Variants in TAFA4 observed in about 807,000 individuals in gnomAD.
TAFA4 encodes the protein TAFA chemokine like family member 4.
In TAFA4, 20 loss-of-function variants were observed where a neutral mutation model predicts 21.1. That is an observed-to-expected ratio of 0.95 (90% CI 0.67 to 1.38). TAFA4 has a LOEUF of 1.38. Ranked by LOEUF, TAFA4 falls within the 40% of genes most tolerant of loss-of-function variation. TAFA4 has a pLI of 0.00. For synonymous variants in TAFA4, 71 were observed against 67.4 expected (o/e 1.05, Z -0.26); for missense variants, 211 against 180.9 (o/e 1.17, Z -0.95).
chr3:68,735,587 ATTAT>A (rs1241756600), intron 5 of TAFA4, among the ~76,000 whole-genome samples: 1 of 152,086 alleles, frequency 6.6e-6, no homozygotes, highest in Non-Finnish European at 1.5e-5. Context: ...ATAGCATTAA[ATTAT>A]TATTATATTG....
rs764665164 is a variant in TAFA4 at position 68,917,753 on chromosome 3, C to CCAAAAAAAA, written c.-123+14486_-123+14487insTTTTTTTTG. Among the ~76,000 whole-genome samples, 490 of 58,106 alleles carry CCAAAAAAAA rather than the reference C, an allele frequency of 8.4e-3. 13 individuals are homozygous for CCAAAAAAAA. The highest frequency in any genetic ancestry group is 0.031 in the African/African-American group (474 of 15,434). The allele number at this position is 58,106 out of a possible 152,430, so 38.1% of individuals were successfully genotyped here. ...TGGACGACAGAGCGAGACTCTGTCT[C>CCAAAAAAAA]AAAAAAAAAAAAAAAAAAAAGAAAG... On this transcript the variant is annotated intron_variant, in intron 1 of 5. Transcript: ENST00000295569.
chr3:68,765,050 G>A (rs927265875), intron 3 of TAFA4, among the ~76,000 whole-genome samples: 4 of 151,404 alleles, frequency 2.6e-5, no homozygotes, highest in African/African-American at 9.7e-5. Context: ...CAGTTTCAAA[G>A]AACTGTTAAA....
intron 4 of TAFA4, among the ~76,000 whole-genome samples, chr3:68,751,750 G>A (rs1348638632): frequency 6.6e-6 from 1 of 152,124 alleles, no homozygotes; most frequent in Non-Finnish European, 1.5e-5. Flanking sequence ...ACATTTCACT[G>A]CAGATATAGT....
chr3:68,819,497 G>A (rs1319091556), intron 3 of TAFA4, among the ~76,000 whole-genome samples: 3 of 151,992 alleles, frequency 2.0e-5, no homozygotes, highest in African/African-American at 4.8e-5. Context: ...TGTCATCTAT[G>A]GCCTCTATTG....
intron 1 of TAFA4, among the ~76,000 whole-genome samples, chr3:68,913,851 T>C (rs2089981780): frequency 6.6e-6 from 1 of 152,218 alleles, no homozygotes; most frequent in African/African-American, 2.4e-5. Context: ...TACCTCAGTT[T>C]CCTCACCTAT....
At chr3:68,931,344 T>C (rs1359395883) in intron 1 of TAFA4, among the ~76,000 whole-genome samples, 26 of 152,018 alleles carry the variant, frequency 1.7e-4, no homozygotes, top group Admixed American at 1.7e-3. Context: ...AACCCGTGCA[T>C]GTACATACTG....
intron 3 of TAFA4, among the ~76,000 whole-genome samples, chr3:68,792,308 A>T (rs1037476391): frequency 6.6e-6 from 1 of 152,202 alleles, no homozygotes; most frequent in Non-Finnish European, 1.5e-5. Context: ...AGCTATGATT[A>T]TACATATAGA....
intron 3 of TAFA4, among the ~76,000 whole-genome samples, chr3:68,820,437 G>C (rs980157567): frequency 1.3e-5 from 2 of 152,084 alleles, no homozygotes; most frequent in African/African-American, 2.4e-5. Context: ...TCAGCACTTT[G>C]GGAGGTTGAG....
At chr3:68,812,821 A>G (rs1029077728) in intron 3 of TAFA4, among the ~76,000 whole-genome samples, 16 of 152,182 alleles carry the variant, frequency 1.1e-4, no homozygotes, top group Non-Finnish European at 1.8e-4. Flanking sequence ...TGCACCAAGC[A>G]GACCTAATAG....
At chr3:68,733,403 T>C (rs1702186781) in intron 5 of TAFA4, among the ~76,000 whole-genome samples, 1 of 152,190 alleles carries the variant, frequency 6.6e-6, no homozygotes, top group South Asian at 2.1e-4. Flanking sequence ...TGTGAGGTTA[T>C]AAAAATCCCA....
chr3:68,770,142 T>C (rs1393778380), intron 3 of TAFA4, among the ~76,000 whole-genome samples: 1 of 152,234 alleles, frequency 6.6e-6, no homozygotes, highest in African/African-American at 2.4e-5. Flanking sequence ...ATTTGTTACA[T>C]CCCAGATTTT....
At chr3:68,765,042 G>T (rs1307010415) in intron 3 of TAFA4, among the ~76,000 whole-genome samples, 1 of 151,784 alleles carries the variant, frequency 6.6e-6, no homozygotes, top group Non-Finnish European at 1.5e-5. Context: ...CTTGGGTTCA[G>T]TTTCAAAGAA....
chr3:68,810,680 C>T (rs575132466), intron 3 of TAFA4, among the ~76,000 whole-genome samples: 3 of 152,262 alleles, frequency 2.0e-5, no homozygotes, highest in Admixed American at 1.3e-4. Flanking sequence ...CCAGGAAGCT[C>T]GAACTGGGTG....
At chr3:68,775,516 C>G (rs1703032521) in intron 3 of TAFA4, among the ~76,000 whole-genome samples, 1 of 152,118 alleles carries the variant, frequency 6.6e-6, no homozygotes, top group Non-Finnish European at 1.5e-5. Flanking sequence ...GTTCCCAACT[C>G]AAGTATTGAA....
chr3:68,839,805 G>C (rs77225199), intron 3 of TAFA4, among the ~76,000 whole-genome samples: 1 of 152,264 alleles, frequency 6.6e-6, no homozygotes, highest in East Asian at 1.9e-4. Flanking sequence ...AGCGTAACAA[G>C]AGCAACTTGA....
At chr3:68,904,747 A>G (rs2089881982) in intron 1 of TAFA4, among the ~76,000 whole-genome samples, 1 of 152,194 alleles carries the variant, frequency 6.6e-6, no homozygotes, top group Non-Finnish European at 1.5e-5. Flanking sequence ...ACAGGAGGTG[A>G]GGCCATTTAT....
chr3:68,822,573 G>A (rs937830529), intron 3 of TAFA4, among the ~76,000 whole-genome samples: 3 of 152,154 alleles, frequency 2.0e-5, no homozygotes, highest in African/African-American at 7.2e-5. Flanking sequence ...CTGGGCTTAA[G>A]CGATCCTTCC....
At chr3:68,811,718 G>A (rs894760681) in intron 3 of TAFA4, among the ~76,000 whole-genome samples, 2 of 152,194 alleles carry the variant, frequency 1.3e-5, no homozygotes, top group South Asian at 2.1e-4. Context: ...TGAAAGTGAC[G>A]GGGAGAATGG....
At chr3:68,864,081 A>C (rs1012156863) in intron 3 of TAFA4, among the ~76,000 whole-genome samples, 3 of 152,124 alleles carry the variant, frequency 2.0e-5, no homozygotes, top group African/African-American at 7.2e-5. Context: ...AAAATACATA[A>C]AAGAACAAAC....
Sources: gnomAD v4.1 joint callset for allele counts (sites outside exome capture counted in the v4.1 genomes callset) on GRCh38, gnomAD v4.1.1 for gene constraint, MANE v1.5 for transcripts, NCBI Gene and HGNC (gene_info 2026-07-23, HGNC 2026-07-21) for gene names.